SLC13A3: variants seen among roughly 807,000 people sequenced by gnomAD.
SLC13A3 encodes solute carrier family 13 member 3, also known as Na(+)/dicarboxylate cotransporter 3.
In SLC13A3, 40 loss-of-function variants were observed where a neutral mutation model predicts 59.0. The ratio of observed to expected loss-of-function variants is 0.68; its 90% CI spans 0.53 to 0.88. The LOEUF (loss-of-function observed/expected upper bound fraction) is 0.88. Among genes scored for constraint, SLC13A3 ranks in the 40% least tolerant of loss-of-function variants. The probability of loss-of-function intolerance (pLI) is 0.00; values close to 1 mark genes in which losing one functional copy is unlikely to be tolerated. For missense variants in SLC13A3, 699 were observed against 783.2 expected (o/e 0.89, Z 1.28); for synonymous variants, 317 against 330.3 (o/e 0.96, Z 0.44).
intron 1 of SLC13A3, among the ~76,000 whole-genome samples, chr20:46,677,603 G>A (rs1291358826): frequency 6.6e-6 from 1 of 152,158 alleles, no homozygotes; most frequent in Non-Finnish European, 1.5e-5. Context: ...GTGAAACCAG[G>A]GGTTTGTTTT....
At chr20:46,600,222 G>A (rs936022679) in intron 3 of SLC13A3, among the ~76,000 whole-genome samples, 185 bp from the exon 4 acceptor site, 1 of 142,942 alleles carries the variant, frequency 7.0e-6, no homozygotes, top group Non-Finnish European at 1.5e-5. Flanking sequence ...AAGGGAGAGA[G>A]GGGGAGGGAG....
At chr20:46,588,303 G>A (rs2062215236) in intron 7 of SLC13A3, 140 bp from the exon 8 acceptor site, 2 of 549,066 alleles carry the variant, frequency 3.6e-6, no homozygotes, top group Admixed American at 6.9e-5. Flanking sequence ...CCACTCCCCA[G>A]GGAGTGCCCA....
intron 3 of SLC13A3, among the ~76,000 whole-genome samples, chr20:46,606,185 A>G (rs996657299): frequency 1.3e-4 from 20 of 152,280 alleles, no homozygotes; most frequent in African/African-American, 3.6e-4. Flanking sequence ...CCAGGAAGCA[A>G]ATCAATCCCG....
At chr20:46,681,226 G>C (rs2063152219) in intron 1 of SLC13A3, among the ~76,000 whole-genome samples, 1 of 152,210 alleles carries the variant, frequency 6.6e-6, no homozygotes, top group Non-Finnish European at 1.5e-5. Flanking sequence ...AAAACATTAA[G>C]ACTGGAAGGA....
At chr20:46,564,014 G>T (rs1202003839) in intron 11 of SLC13A3, among the ~76,000 whole-genome samples, 1 of 152,226 alleles carries the variant, frequency 6.6e-6, no homozygotes, top group East Asian at 1.9e-4. Flanking sequence ...GATTCAGCAA[G>T]TCTGGGGTGG....
chr20:46,582,658 T>C, intron 9 of SLC13A3: 1 of 985,006 alleles, frequency 1.0e-6, no homozygotes, highest in Non-Finnish European at 1.2e-6. Flanking sequence ...AAAATCCTCA[T>C]CTTCCTACAG....
chr20:46,575,252 T>C (rs2062063704), intron 10 of SLC13A3, among the ~76,000 whole-genome samples: 2 of 152,224 alleles, frequency 1.3e-5, no homozygotes, highest in South Asian at 4.1e-4. Context: ...GAACAGTGTC[T>C]GGCATTGGGT....
chr20:46,658,703 A>AAAAT (rs1193507824), intron 1 of SLC13A3, among the ~76,000 whole-genome samples: 1 of 152,244 alleles, frequency 6.6e-6, no homozygotes, highest in African/African-American at 2.4e-5. Context: ...TTAGCGATAA[A>AAAAT]AAATATTCAT....
In SLC13A3 at chr20:46,641,080, T is replaced by C. The variant is rs374124306; in HGVS notation, c.111+10231A>G. Reference sequence around the variant, plus strand: ...CATGGAGGGGCACAGATGAGGGATCTGGGTCCACTAGGCTGGGAGAGGTTA... The same window carrying C: ...CATGGAGGGGCACAGATGAGGGATCCGGGTCCACTAGGCTGGGAGAGGTTA... On this transcript the variant is annotated intron_variant, in intron 1 of 12. Transcript: ENST00000279027. Among the ~76,000 whole-genome samples, 17 of 152,242 alleles carry C rather than the reference T, an allele frequency of 1.1e-4. No homozygotes were observed. The East Asian group carries it at 2.9e-3, about 26-fold the overall frequency.
intron 4 of SLC13A3, among the ~76,000 whole-genome samples, chr20:46,599,055 C>A (rs1052074505): frequency 6.6e-6 from 1 of 152,188 alleles, no homozygotes; most frequent in South Asian, 2.1e-4. Context: ...ATTACCAGCT[C>A]GCCTCCCCCA....
chr20:46,622,213 G>A (rs1485430363), intron 1 of SLC13A3, among the ~76,000 whole-genome samples: 1 of 152,146 alleles, frequency 6.6e-6, no homozygotes, highest in East Asian at 1.9e-4. Flanking sequence ...CTCTTTGCTG[G>A]CCACCATGCT....
intron 9 of SLC13A3, 89 bp from the exon 10 acceptor site, chr20:46,575,774 A>T: frequency 1.4e-6 from 1 of 694,476 alleles, no homozygotes; most frequent in Middle Eastern, 2.7e-4. Flanking sequence ...TACCGGGGAC[A>T]CTCAGGGGTC....
At chr20:46,597,584 C>T (rs540134549) in intron 4 of SLC13A3, among the ~76,000 whole-genome samples, 1 of 152,052 alleles carries the variant, frequency 6.6e-6, no homozygotes, top group South Asian at 2.1e-4. Flanking sequence ...TTATAGGTGC[C>T]CACCACCATG....
In SLC13A3 at chr20:46,651,405, G is replaced by A. The variant is rs1368735040; in HGVS notation, c.17C>T (p.Ala6Val). The A allele has an allele frequency of 6.7e-7, 1 of 1,491,950 alleles. No individual in the cohort carries two copies. The highest frequency in any genetic ancestry group is 8.9e-7 in the Non-Finnish European group (1 of 1,126,144). 92.4% of individuals were successfully genotyped at this position (1,491,950 alleles called of 1,614,324 possible). Residue 6 changes from alanine (A) to valine (V), a missense_variant, in exon 1 of 13, where the codon GCA becomes GTA. Transcript: ENST00000279027. ...CGCGCTCCACACCTTCTTGGCCGCT[G>A]CTGCCAGCGCCGCCATCAGCGCGAT... MAALA[A>V]AAKKVWSARR...
intron 3 of SLC13A3, among the ~76,000 whole-genome samples, chr20:46,607,208 G>A (rs1237654564): frequency 6.6e-6 from 1 of 152,158 alleles, no homozygotes; most frequent in Non-Finnish European, 1.5e-5. Flanking sequence ...GAGCTAATGA[G>A]TATAAAAAAA....
intron 9 of SLC13A3, 154 bp downstream of exon 9, chr20:46,583,418 T>C: frequency 7.0e-7 from 1 of 1,427,816 alleles, no homozygotes; most frequent in Non-Finnish European, 9.1e-7. Context: ...GGGGCAGCCC[T>C]CAGTCCCCAG....
At chr20:46,567,658 A>G (rs2061992400) in intron 10 of SLC13A3, among the ~76,000 whole-genome samples, 1 of 152,078 alleles carries the variant, frequency 6.6e-6, no homozygotes, top group African/African-American at 2.4e-5. Flanking sequence ...TCAGTGCTGC[A>G]GAATTATTTG....
intron 1 of SLC13A3, among the ~76,000 whole-genome samples, chr20:46,627,295 G>T (rs1423991578): frequency 6.6e-6 from 1 of 152,186 alleles, no homozygotes. Flanking sequence ...AGTCTGATTT[G>T]CACTTCCAAT....
intron 1 of SLC13A3, among the ~76,000 whole-genome samples, chr20:46,648,446 C>T (rs1366058298): frequency 6.6e-6 from 1 of 152,062 alleles, no homozygotes. Flanking sequence ...TTGAGGGAGG[C>T]GAAGGTCCTC....
Sources: allele counts gnomAD v4.1 joint callset (sites outside exome capture counted in the v4.1 genomes callset), GRCh38; gene constraint gnomAD v4.1.1; transcripts MANE v1.5; gene names NCBI Gene and HGNC (gene_info 2026-07-23, HGNC 2026-07-21).